Variants in HAUS6 observed in about 807,000 individuals in gnomAD.
HAUS6 encodes the protein HAUS augmin-like complex subunit 6.
HAUS6 carries 80 observed loss-of-function variants against 106.8 expected under a neutral mutation model. The observed-to-expected ratio is 0.75, with a 90% CI of 0.63 to 0.90. The LOEUF (loss-of-function observed/expected upper bound fraction) is 0.90. Ranked by LOEUF, HAUS6 falls within the 40% of genes least tolerant of loss-of-function variation. HAUS6 has a pLI of 0.00. For missense variants in HAUS6, 1,155 were observed against 1,118.1 expected, an observed-to-expected ratio of 1.03 and a Z score of -0.47; for synonymous variants, 356 against 379.1, an observed-to-expected ratio of 0.94 and a Z score of 0.71.
In HAUS6 at chr9:19,070,214, T is replaced by A; in HGVS notation, c.1376+5A>T. On this transcript the variant is annotated splice_donor_5th_base_variant and intron_variant, in intron 12 of 16. Transcript: ENST00000380502. ...TTTAACAAAAGAAAATCAAATTTGT[T>A]TTACCTGTTGGCTAGATCATGTAGC... The A allele has an allele frequency of 1.3e-6, 2 of 1,495,300 alleles. No individual in the cohort carries two copies. Among genetic ancestry groups the A allele is most frequent in the Non-Finnish European group, 1.9e-6 (2 of 1,076,780 alleles). The allele number at this position is 1,495,300 out of a possible 1,614,324, so 92.6% of individuals were successfully genotyped here.
intron 4 of HAUS6, among the ~76,000 whole-genome samples, chr9:19,091,295 G>A (rs982125243): frequency 8.8e-5 from 12 of 135,810 alleles, no homozygotes; most frequent in African/African-American, 2.6e-4. Flanking sequence ...GTGAGACTTC[G>A]TCTGCGAAAA....
Position 19,070,268 on chromosome 9 carries a change from A to C in HAUS6, c.1327T>G (p.Cys443Gly). ...CCCAAGGTATCACTGTCTCCTCTGC[A>C]ACCATTTTCTTGGTTATGTTGCTTA... ...AHKQHNQENG[C>G]RGDSDTLGAL... The change falls in exon 12 of 17, where the codon TGC becomes GGC. Residue 443 changes from cysteine (C) to glycine (G), a missense_variant. By Grantham distance (159) the Cys-to-Gly change is radical. Around this residue, in one of 3 missense-constraint regions of HAUS6, gnomAD observed 761 missense variants for 690.0 expected, o/e 1.10. Transcript: ENST00000380502. 6.2e-7 allele frequency: 1 copy of C among 1,602,540 alleles called. No individual in the cohort carries two copies. Among genetic ancestry groups the C allele is most frequent in the Non-Finnish European group, 8.5e-7 (1 of 1,169,842 alleles).
intron 4 of HAUS6, among the ~76,000 whole-genome samples, chr9:19,092,484 G>C (rs1021184556): frequency 4.0e-5 from 6 of 151,830 alleles, no homozygotes; most frequent in Admixed American, 1.3e-4. Context: ...GTGTAGAAGT[G>C]CATGCCTGTA....
intron 2 of HAUS6, among the ~76,000 whole-genome samples, chr9:19,096,043 A>G (rs1233711487): frequency 6.6e-6 from 1 of 152,234 alleles, no homozygotes; most frequent in Non-Finnish European, 1.5e-5. Flanking sequence ...ATACGGATTG[A>G]TATCATTTAA....
At chr9:19,071,786 G>A (rs938310552) in intron 11 of HAUS6, among the ~76,000 whole-genome samples, 2 of 151,864 alleles carry the variant, frequency 1.3e-5, no homozygotes, top group Non-Finnish European at 2.9e-5. Context: ...TTATTGCCCA[G>A]GTTGGTCTCC....
rs1836447913 is a variant in HAUS6 at position 19,055,405 on chromosome 9, T to C, written c.*938A>G. ...GAGACTGCAAGTGTGACAAGTTATTTAACCCCAAGTTCAGTTTTCTCAAGT... is the reference window on the plus strand; with the variant it reads ...GAGACTGCAAGTGTGACAAGTTATTCAACCCCAAGTTCAGTTTTCTCAAGT... On this transcript the variant is annotated 3_prime_UTR_variant, in exon 17 of 17. Transcript: ENST00000380502. The C allele has an allele frequency of 6.6e-6, 1 of 152,216 alleles. No homozygotes were observed. The highest frequency in any genetic ancestry group is 2.4e-5 in the African/African-American group (1 of 41,446). 9.4% of individuals were successfully genotyped at this position (152,216 alleles called of 1,614,324 possible).
chr9:19,072,304 G>A (rs1836897039), intron 11 of HAUS6, among the ~76,000 whole-genome samples: 1 of 152,128 alleles, frequency 6.6e-6, no homozygotes, highest in African/African-American at 2.4e-5. Flanking sequence ...CTTGAGGTCA[G>A]TAGTTCAAGA....
At chr9:19,095,487 AT>A (rs1362610212) in intron 2 of HAUS6, among the ~76,000 whole-genome samples, 2 of 148,138 alleles carry the variant, frequency 1.4e-5, no homozygotes, top group East Asian at 2.0e-4. Context: ...AAAATGAGCC[AT>A]AATGTTGATA....
In HAUS6 at chr9:19,057,941, T is replaced by C. The variant is rs746887331; in HGVS notation, c.2806+20A>G. 2.1e-6 allele frequency: 3 copies of C among 1,443,590 alleles called. No individual in the cohort carries two copies. Among genetic ancestry groups the C allele is most frequent in the African/African-American group, 1.4e-5 (1 of 70,724 alleles). 89.4% of individuals were successfully genotyped at this position (1,443,590 alleles called of 1,614,324 possible). ...GAAAACTTCAACAGGTGAATATGCA[T>C]AGGTCTATTTAAACCTTACCCTTTA... On this transcript the variant is annotated intron_variant, in intron 16 of 16. Coordinates refer to ENST00000380502, the MANE Select transcript of HAUS6 (RefSeq NM_017645.5).
rs771000443 is a variant in HAUS6, at chr9:19,070,176, G to C, written c.1376+43C>G. 5 of 1,062,932 alleles carry C rather than the reference G, an allele frequency of 4.7e-6. No homozygotes were observed. The South Asian group carries it at 6.8e-5, about 15-fold the overall frequency. The allele number at this position is 1,062,932 out of a possible 1,614,324, so 65.8% of individuals were successfully genotyped here. A position where few individuals can be genotyped will look rare whatever the true frequency, so the allele number is the denominator to read the frequency against. Reference sequence around the variant, plus strand: ...TCCATCTCTATTTTTTATAAAATAAGAGTTTTTTAATGTTTAACAAAAGAA... The same window carrying C: ...TCCATCTCTATTTTTTATAAAATAACAGTTTTTTAATGTTTAACAAAAGAA... On this transcript the variant is annotated intron_variant, in intron 12 of 16. Transcript: ENST00000380502.
At chr9:19,064,988 C>T (rs147215650) in intron 12 of HAUS6, 1 of 152,238 alleles carries the variant, frequency 6.6e-6, no homozygotes, top group Non-Finnish European at 1.5e-5. Context: ...TTCCCTAAGG[C>T]TATTCCCAGA....
chr9:19,091,096 C>T (rs1021098769), intron 4 of HAUS6, among the ~76,000 whole-genome samples: 6 of 151,718 alleles, frequency 4.0e-5, no homozygotes, highest in Non-Finnish European at 5.9e-5. Flanking sequence ...GTCAGGAGTT[C>T]GAGACCAGCC....
chr9:19,079,679 G>C (rs1435035624), intron 9 of HAUS6, among the ~76,000 whole-genome samples: 1 of 151,946 alleles, frequency 6.6e-6, no homozygotes, highest in Non-Finnish European at 1.5e-5. Context: ...GAGGCAGGCG[G>C]ATCACCTGAG....
Position 19,060,108 on chromosome 9 carries a change from G to C in HAUS6, c.1745C>G (p.Pro582Arg). The C allele has an allele frequency of 6.2e-7, 1 of 1,606,070 alleles. No homozygotes were observed. The highest frequency in any genetic ancestry group is 8.5e-7 in the Non-Finnish European group (1 of 1,176,268). The change falls in exon 15 of 17, where the codon CCC (proline) becomes CGC (arginine). Residue 582 changes from proline (P) to arginine (R), a missense_variant. By Grantham distance (103) the Pro-to-Arg change is moderately radical. This residue lies in a region of HAUS6 where 761 missense variants were observed against 690.0 expected (regional missense o/e 1.10). Transcript: ENST00000380502. The part of the protein sequence containing the change: ...SNPFLTRNQI[P>R]RTPENLITEI... ...CTTACTCAAGTTTTCTGGAGTACGG[G>C]GAATCTGATTCCTTGTTAAGAAGGG...
chr9:19,096,564 CAAAAAAAAAAAAAAA>C lies in HAUS6; in HGVS notation c.224+95_224+109del. The stretch of plus-strand genomic sequence containing the variant: ...TCGATGACGGAGTGAGACTCCGTCT[CAAAAAAAAAAAAAAA>C]AAAAAAAAAAGGAGAGAATTCTGGC... On this transcript the variant is annotated intron_variant, in intron 2 of 16. Transcript: ENST00000380502. The C allele has an allele frequency of 4.2e-5, 11 of 262,480 alleles. No individual in the cohort carries two copies. In the East Asian group the frequency reaches 8.9e-4, roughly 21 times the overall value. The allele number at this position is 262,480 out of a possible 1,614,324, so 16.3% of individuals were successfully genotyped here.
chr9:19,090,824 T>C (rs1331920667), intron 4 of HAUS6, among the ~76,000 whole-genome samples: 2 of 152,208 alleles, frequency 1.3e-5, no homozygotes, highest in Non-Finnish European at 2.9e-5. Flanking sequence ...CGTCACTGTG[T>C]TACTAAAAAC....
At chr9:19,084,508 T>C (rs1299366135) in intron 7 of HAUS6, among the ~76,000 whole-genome samples, 4 of 152,230 alleles carry the variant, frequency 2.6e-5, no homozygotes, top group Admixed American at 6.5e-5. Context: ...CTTGTATATA[T>C]GTTATGCATT....
At position 19,086,734 on chromosome 9, in the gene HAUS6, C is replaced by T; in HGVS notation, c.699G>A (p.Lys233=). The change falls in exon 7 of 17, where the codon AAG becomes AAA. Residue 233 remains lysine (K), a splice_region_variant and synonymous_variant. Transcript: ENST00000380502. ...DHSNMEEKIQ[K]VRSLWASVNE... ...TTTCTCCTTTTATAAGTTGTCTCAC[C>T]TTTTGAATTTTTTCTTCCATATTAC... The T allele has an allele frequency of 8.0e-7, 1 of 1,246,092 alleles. No homozygotes were observed. The highest frequency in any genetic ancestry group is 1.2e-6 in the Non-Finnish European group (1 of 858,372). The allele number at this position is 1,246,092 out of a possible 1,614,324, so 77.2% of individuals were successfully genotyped here.
chr9:19,072,718 A>C (rs980024240), intron 11 of HAUS6, among the ~76,000 whole-genome samples: 2 of 152,150 alleles, frequency 1.3e-5, no homozygotes, highest in Admixed American at 6.6e-5. Context: ...TACTATTCAG[A>C]GTCCAAGAAC....
Sources: gnomAD v4.1 joint callset for allele counts (sites outside exome capture counted in the v4.1 genomes callset) on GRCh38, gnomAD v4.1.1 for gene constraint, gnomAD v4.1.1 regional missense constraint, MANE v1.5 for transcripts, NCBI Gene and HGNC (gene_info 2026-07-23, HGNC 2026-07-21) for gene names.